FAM13A: variants seen among roughly 807,000 people sequenced by gnomAD.
The protein encoded by FAM13A is family with sequence similarity 13 member A.
In FAM13A, 76 loss-of-function variants were observed where a neutral mutation model predicts 129.6. The observed-to-expected ratio is 0.59, with a 90% CI of 0.49 to 0.71. FAM13A has a LOEUF of 0.71. Among genes scored for constraint, FAM13A ranks in the 30% least tolerant of loss-of-function variants. The probability of loss-of-function intolerance (pLI) is 0.00; values close to 1 mark genes in which losing one functional copy is unlikely to be tolerated. For missense variants in FAM13A, 1,108 were observed against 1,249.3 expected (o/e 0.89, Z 1.70); for synonymous variants, 443 against 449.9 (o/e 0.98, Z 0.20).
chr4:88,788,073 G>T, intron 9 of FAM13A, 141 bp from the exon 10 acceptor site: 1 of 573,572 alleles, frequency 1.7e-6, no homozygotes, highest in Non-Finnish European at 2.9e-6. Context: ...GAGATGATGA[G>T]GCATTAATCT....
At chr4:88,856,813 G>A (rs774408794) in intron 6 of FAM13A, among the ~76,000 whole-genome samples, 2 of 152,058 alleles carry the variant, frequency 1.3e-5, no homozygotes, top group African/African-American at 2.4e-5. Context: ...TTTCATGTTC[G>A]TTAAACTCAT....
chr4:88,975,537 C>T (rs918962313), intron 4 of FAM13A, among the ~76,000 whole-genome samples: 1 of 152,136 alleles, frequency 6.6e-6, no homozygotes, highest in Non-Finnish European at 1.5e-5. Flanking sequence ...TTGAGTAAGA[C>T]ATATAGTACT....
intron 6 of FAM13A, among the ~76,000 whole-genome samples, chr4:88,863,789 GT>G (rs534886475): frequency 2.6e-5 from 4 of 151,384 alleles, no homozygotes; most frequent in South Asian, 2.1e-4. Flanking sequence ...TTTTGTTTAT[GT>G]TTTTTTTTCT....
chr4:89,005,440 G>A (rs1404218035), intron 3 of FAM13A, among the ~76,000 whole-genome samples: 2 of 152,198 alleles, frequency 1.3e-5, no homozygotes, highest in Admixed American at 1.3e-4. Flanking sequence ...CTAGTAATGA[G>A]ATTTGCTGGG....
intron 19 of FAM13A, among the ~76,000 whole-genome samples, chr4:88,741,365 A>G (rs564871040): frequency 7.2e-5 from 11 of 152,226 alleles, no homozygotes; most frequent in Non-Finnish European, 1.3e-4. Context: ...TCATAATAAT[A>G]AAGCTGAGTA....
intron 20 of FAM13A, among the ~76,000 whole-genome samples, chr4:88,738,111 C>T (rs1399164635): frequency 1.3e-5 from 2 of 152,072 alleles, no homozygotes; most frequent in South Asian, 4.2e-4. Context: ...ATCTCTGGAC[C>T]CTCCTTTCTT....
At chr4:88,749,560 T>C (rs900605582) in intron 16 of FAM13A, among the ~76,000 whole-genome samples, 1 of 152,226 alleles carries the variant, frequency 6.6e-6, no homozygotes, top group Non-Finnish European at 1.5e-5. Context: ...AGCTTTCATT[T>C]TTTTTTTTGT....
At chr4:88,894,705 AG>A (rs1190625197) in intron 6 of FAM13A, among the ~76,000 whole-genome samples, 1 of 152,066 alleles carries the variant, frequency 6.6e-6, no homozygotes, top group African/African-American at 2.4e-5. Context: ...TATTTTGAGT[AG>A]AGACAGGGTT....
At chr4:88,960,224 G>A (rs1347221757) in intron 4 of FAM13A, among the ~76,000 whole-genome samples, 4 of 152,180 alleles carry the variant, frequency 2.6e-5, no homozygotes, top group South Asian at 4.1e-4. Context: ...TAAGAAATCC[G>A]TCAGGAAAAT....
In FAM13A at chr4:88,945,799, GTA is replaced by G. The variant is rs1215502984; in HGVS notation, c.606-7560_606-7559del. On this transcript the variant is annotated intron_variant, in intron 4 of 23. Transcript: ENST00000264344. Reference sequence around the variant, plus strand: ...TATGTGGTTGTATATATATATATAAGTATATATATATTATATATATATATACT... The same window carrying G: ...TATGTGGTTGTATATATATATATAAGTATATATATTATATATATATATACT... Among the ~76,000 whole-genome samples the G allele has an allele frequency of 7.3e-5, 10 of 136,550 alleles. No homozygotes were observed. In the South Asian group the frequency reaches 9.1e-4, roughly 12 times the overall value. The allele number at this position is 136,550 out of a possible 152,430, so 89.6% of individuals were successfully genotyped here. A position where few individuals can be genotyped will look rare whatever the true frequency, so the allele number is the denominator to read the frequency against.
intron 15 of FAM13A, 98 bp downstream of exon 15, chr4:88,750,326 G>T: frequency 1.0e-6 from 1 of 984,564 alleles, no homozygotes; most frequent in Non-Finnish European, 1.6e-6. Context: ...ATAGGCTCAC[G>T]ACTTAATTAA....
At position 88,972,827 on chromosome 4, in the gene FAM13A, C is replaced by T. The variant is rs1015290302; in HGVS notation, c.605+18146G>A. The stretch of plus-strand genomic sequence containing the variant: ...TTCACCACATCAGCCAGCATGGTCT[C>T]GAACTCCTGACTTCAGGTGATCCAC... On this transcript the variant is annotated intron_variant, in intron 4 of 23. Transcript: ENST00000264344. Among the ~76,000 whole-genome samples the T allele has an allele frequency of 9.2e-5, 14 of 152,180 alleles. 1 individual carries two copies. Among genetic ancestry groups the T allele is most frequent in the Admixed American group, 4.6e-4 (7 of 15,278 alleles).
chr4:88,860,638 T>C (rs553657062), intron 6 of FAM13A, among the ~76,000 whole-genome samples: 1 of 152,332 alleles, frequency 6.6e-6, no homozygotes, highest in East Asian at 1.9e-4. Flanking sequence ...TTTGTGAATG[T>C]GTACTGTGAG....
chr4:88,989,369 C>T (rs149479861), intron 4 of FAM13A, among the ~76,000 whole-genome samples: 263 of 151,374 alleles, frequency 1.7e-3, no homozygotes, highest in African/African-American at 5.7e-3. Context: ...AGGGAGGTCG[C>T]GGCAGGTGGA....
At chr4:88,947,923 C>T (rs576516643) in intron 4 of FAM13A, among the ~76,000 whole-genome samples, 5 of 152,166 alleles carry the variant, frequency 3.3e-5, no homozygotes, top group Non-Finnish European at 5.9e-5. Flanking sequence ...TAAGTACAGA[C>T]ATACATTATA....
intron 17 of FAM13A, 99 bp downstream of exon 17, chr4:88,748,853 C>T: frequency 2.3e-6 from 2 of 854,866 alleles, no homozygotes; most frequent in Non-Finnish European, 4.1e-6. Flanking sequence ...TCTTTAAGGA[C>T]CGGGGAATGC....
At chr4:88,975,534 A>G (rs1045069531) in intron 4 of FAM13A, among the ~76,000 whole-genome samples, 3 of 152,230 alleles carry the variant, frequency 2.0e-5, no homozygotes, top group Admixed American at 6.5e-5. Flanking sequence ...CTCTTGAGTA[A>G]GACATATAGT....
rs1253077154 is a variant in FAM13A, at chr4:88,725,962, A to ATAAG, written c.*2567_*2570dup. On this transcript the variant is annotated 3_prime_UTR_variant, in exon 24 of 24. Transcript: ENST00000264344. ...CACAATAAAAGTACTTATGAAAATT[A>ATAAG]TAAGTCTGCACTCTTTAATTCTTAA... is the stretch of plus-strand genomic sequence containing the variant. 6.7e-6 allele frequency: 1 copy of ATAAG among 148,560 alleles called. No homozygotes were observed. Among genetic ancestry groups the ATAAG allele is most frequent in the African/African-American group, 2.5e-5 (1 of 40,222 alleles). The allele number at this position is 148,560 out of a possible 1,614,324, so 9.2% of individuals were successfully genotyped here.
At chr4:88,898,273 G>GT (rs1413855070) in intron 6 of FAM13A, among the ~76,000 whole-genome samples, 2 of 151,868 alleles carry the variant, frequency 1.3e-5, no homozygotes, top group East Asian at 1.9e-4. Flanking sequence ...CAAATCCCAT[G>GT]TTTTTTTCCC....
Sources: gnomAD v4.1 joint callset for allele counts (sites outside exome capture counted in the v4.1 genomes callset) on GRCh38, gnomAD v4.1.1 for gene constraint, MANE v1.5 for transcripts, NCBI Gene and HGNC (gene_info 2026-07-23, HGNC 2026-07-21) for gene names.